The following CRACD variants were observed in gnomAD, a reference collection of about 807,000 sequenced individuals.
CRACD encodes capping protein inhibiting regulator of actin dynamics.
Under a neutral mutation model 106.8 loss-of-function variants are expected in CRACD, and 56 were observed. The ratio of observed to expected loss-of-function variants is 0.52; its 90% CI spans 0.42 to 0.66. The LOEUF (loss-of-function observed/expected upper bound fraction) is 0.66. CRACD is among the 30% of genes least tolerant of loss of function. The probability of loss-of-function intolerance (pLI) is 0.00; values close to 1 mark genes in which losing one functional copy is unlikely to be tolerated. For missense variants in CRACD, 1,730 were observed against 1,623.2 expected (o/e 1.07, Z -1.13); for synonymous variants, 754 against 670.8 (o/e 1.12, Z -1.92).
rs529279344 is a variant in CRACD, at chr4:56,247,918, G to T, written c.-188-24403G>T. ...TGGGAGTGGACTTTGCATGGGATGC[G>T]TCATACTTACAGTACTCCACAGTAT... On this transcript the variant is annotated intron_variant, in intron 2 of 10. Coordinates refer to ENST00000682029, the MANE Select transcript of CRACD (RefSeq NM_001393381.1). Among the ~76,000 whole-genome samples the T allele has an allele frequency of 1.2e-3, 179 of 151,978 alleles. 1 individual carries two copies. Among genetic ancestry groups the T allele is most frequent in the African/African-American group, 3.9e-3 (162 of 41,434 alleles).
At chr4:56,185,092 G>A (rs984010462) in intron 2 of CRACD, among the ~76,000 whole-genome samples, 6 of 152,064 alleles carry the variant, frequency 3.9e-5, no homozygotes, top group African/African-American at 9.7e-5. Context: ...GAGTAGCTGC[G>A]ACCACAGGCG....
chr4:56,323,184 T>C (rs1313433265), intron 8 of CRACD, among the ~76,000 whole-genome samples, 193 bp from the exon 9 acceptor site: 2 of 152,138 alleles, frequency 1.3e-5, no homozygotes, highest in Non-Finnish European at 2.9e-5. Context: ...TACCCTTGTT[T>C]TTCTGGTGAT....
At position 56,061,987 on chromosome 4, in the gene CRACD, T is replaced by C. The variant is rs868325277; in HGVS notation, c.-336+12688T>C. Among the ~76,000 whole-genome samples the C allele has an allele frequency of 4.6e-5, 7 of 152,256 alleles. No homozygotes were observed. The South Asian group carries it at 1.0e-3, about 22-fold the overall frequency. ...TCTTTTTTGCACTCCATCTTTCAAA[T>C]AGCTTAAGTACAGCATCATCTCATT... On this transcript the variant is annotated intron_variant, in intron 1 of 10. Transcript: ENST00000682029.
chr4:56,138,470 G>T (rs6554333), intron 1 of CRACD, among the ~76,000 whole-genome samples: 11,385 of 151,726 alleles, frequency 0.075, 544 homozygotes, highest in Admixed American at 0.14. Flanking sequence ...GTCTCAAAAA[G>T]AAAAATAAAA....
Position 56,307,545 on chromosome 4 carries a change from G to A in CRACD, c.131G>A (p.Gly44Asp), listed in dbSNP as rs569540510. Residue 44 changes from glycine (G) to aspartate (D), a missense_variant, in exon 5 of 11, where the codon GGC (glycine) becomes GAC (aspartate). By Grantham distance (94) the Gly-to-Asp change is moderately conservative. Transcript: ENST00000682029. ...TCTGTTTCTCTCCAGCAACAGTTGG[G>A]CAAGAATATCAAGTTTGGGCAGCGG... ...GKVKTLQQQL[G>D]KNIKFGQRSP... 27 of 1,613,996 alleles carry A rather than the reference G, an allele frequency of 1.7e-5. No individual in the cohort carries two copies. The highest frequency in any genetic ancestry group is 3.3e-4 in the Middle Eastern group (2 of 6,074).
At chr4:56,179,511 G>T (rs1289590035) in intron 2 of CRACD, 81 bp downstream of exon 2, 6 of 152,182 alleles carry the variant, frequency 3.9e-5, no homozygotes, top group Non-Finnish European at 7.3e-5. Context: ...TTGTAAGTGG[G>T]ATTCTAGGAC....
At chr4:56,052,745 G>A (rs143447453) in intron 1 of CRACD, among the ~76,000 whole-genome samples, 1,596 of 152,284 alleles carry the variant, frequency 0.01, 12 homozygotes, top group Non-Finnish European at 0.018. Context: ...TTTAGAGAGG[G>A]ATGAAGCAAA....
At position 56,213,120 on chromosome 4, in the gene CRACD, A is replaced by G. The variant is rs58393090; in HGVS notation, c.-189+33690A>G. Among the ~76,000 whole-genome samples the G allele has an allele frequency of 2.0e-3, 298 of 152,296 alleles. 2 individuals carry two copies. The highest frequency in any genetic ancestry group is 6.6e-3 in the African/African-American group (275 of 41,568). ...CACTTTGGATCTCACTTCAGATGCCATCTGTTAAAAGACAAACCTTAGACA... is the reference window on the plus strand; with the variant it reads ...CACTTTGGATCTCACTTCAGATGCCGTCTGTTAAAAGACAAACCTTAGACA... On this transcript the variant is annotated intron_variant, in intron 2 of 10. Coordinates refer to ENST00000682029, the MANE Select transcript of CRACD (RefSeq NM_001393381.1).
intron 1 of CRACD, among the ~76,000 whole-genome samples, chr4:56,146,993 C>T (rs971287574): frequency 3.5e-4 from 53 of 152,232 alleles, no homozygotes; most frequent in African/African-American, 1.1e-3. Context: ...GGGAAATATG[C>T]GGGAGTGGTG....
rs932372045 is a variant in CRACD, at chr4:56,216,571, T to G, written c.-189+37141T>G. Among the ~76,000 whole-genome samples the G allele has an allele frequency of 7.0e-4, 106 of 151,442 alleles. 1 individual carries two copies. Among genetic ancestry groups the G allele is most frequent in the Non-Finnish European group, 3.0e-4 (20 of 67,776 alleles). The stretch of plus-strand genomic sequence containing the variant: ...ATAGAGGGATACACTCTCTGTGGGG[T>G]GTGTGTGTGTGTGACTGTGTTCCAT... On this transcript the variant is annotated intron_variant, in intron 2 of 10. Transcript: ENST00000682029.
At chr4:56,149,081 G>T (rs1289311871) in intron 1 of CRACD, among the ~76,000 whole-genome samples, 1 of 152,176 alleles carries the variant, frequency 6.6e-6, no homozygotes, top group Non-Finnish European at 1.5e-5. Flanking sequence ...CTCCCAAAGT[G>T]CTGGGATTAC....
intron 2 of CRACD, among the ~76,000 whole-genome samples, chr4:56,254,988 CCTATAGTCCCAG>C (rs1307301791): frequency 6.6e-6 from 1 of 151,408 alleles, no homozygotes; most frequent in Non-Finnish European, 1.5e-5. Flanking sequence ...GTGGCAGGCA[CCTATAGTCCCAG>C]CTACTCGGGA....
intron 2 of CRACD, among the ~76,000 whole-genome samples, chr4:56,210,075 C>A (rs1738323271): frequency 6.6e-6 from 1 of 152,148 alleles, no homozygotes; most frequent in Non-Finnish European, 1.5e-5. Flanking sequence ...CTGGTTGAGG[C>A]ACTGAGAACG....
At chr4:56,170,854 A>G (rs6814043) in intron 1 of CRACD, among the ~76,000 whole-genome samples, 124,639 of 152,020 alleles carry the variant, frequency 0.82, 51,739 homozygotes, top group African/African-American at 0.95. Flanking sequence ...AAACTATTAC[A>G]TGAATAATGG....
intron 1 of CRACD, among the ~76,000 whole-genome samples, chr4:56,130,993 C>T (rs1053344295): frequency 6.6e-6 from 1 of 152,202 alleles, no homozygotes; most frequent in Non-Finnish European, 1.5e-5. Context: ...GCTTGTCTGA[C>T]TGCTCATAAG....
At chr4:56,321,434 A>G (rs1444596953) in intron 8 of CRACD, 1 of 152,470 alleles carries the variant, frequency 6.6e-6, no homozygotes, top group Admixed American at 6.5e-5. Context: ...CCAGTAAATA[A>G]TAGTCTAAGT....
At chr4:56,165,887 G>A (rs1736122874) in intron 1 of CRACD, among the ~76,000 whole-genome samples, 1 of 152,120 alleles carries the variant, frequency 6.6e-6, no homozygotes, top group South Asian at 2.1e-4. Context: ...AAGACACAGG[G>A]TCTCAATCTG....
chr4:56,132,182 C>T (rs1734845849), intron 1 of CRACD, among the ~76,000 whole-genome samples: 1 of 152,070 alleles, frequency 6.6e-6, no homozygotes, highest in Admixed American at 6.6e-5. Flanking sequence ...TAGCTGATAC[C>T]ACAGGCATGT....
chr4:56,175,197 G>A (rs1296879063), intron 1 of CRACD, among the ~76,000 whole-genome samples: 1 of 152,152 alleles, frequency 6.6e-6, no homozygotes, highest in Non-Finnish European at 1.5e-5. Context: ...GCAGCAGTGA[G>A]ATTGCTGGAT....
Sources: gnomAD v4.1 joint callset for allele counts (sites outside exome capture counted in the v4.1 genomes callset) on GRCh38, gnomAD v4.1.1 for gene constraint, MANE v1.5 for transcripts, NCBI Gene and HGNC (gene_info 2026-07-23, HGNC 2026-07-21) for gene names.